ZSCAN32: variants seen among roughly 807,000 people sequenced by gnomAD.
ZSCAN32 encodes the protein zinc finger and SCAN domain containing 32.
ZSCAN32 carries 52 observed loss-of-function variants against 47.4 expected under a neutral mutation model. The observed-to-expected ratio is 1.10, with a 90% CI of 0.88 to 1.38. ZSCAN32 has a LOEUF of 1.38. Ranked by LOEUF, ZSCAN32 falls within the 40% of genes most tolerant of loss-of-function variation. The pLI, the probability that ZSCAN32 is intolerant of heterozygous loss-of-function variation, is 0.00. For missense variants in ZSCAN32, 959 were observed against 846.0 expected (o/e 1.13, Z -1.66); for synonymous variants, 346 against 305.7 (o/e 1.13, Z -1.38).
intron 5 of ZSCAN32, among the ~76,000 whole-genome samples, chr16:3,386,196 A>G (rs2031967063): frequency 6.6e-6 from 1 of 152,266 alleles, no homozygotes; most frequent in African/African-American, 2.4e-5. Flanking sequence ...AAAAATGCTC[A>G]TCATCACTGG....
At position 3,384,805 on chromosome 16, in the gene ZSCAN32, C is replaced by T. The variant is rs371182988; in HGVS notation, c.888G>A (p.Glu296=). ...GTTCTGGGGTCCGCAGAAAACCCTG[C>T]TCCCAGAGTCCTTCCGCCATGGCCC... is the stretch of plus-strand genomic sequence containing the variant. ...IYRAMAEGLW[E]QGFLRTPEQC... Residue 296 remains glutamate (E), a synonymous_variant, in exon 6 of 7, where the codon GAG becomes GAA. Transcript: ENST00000396852. 9 of 1,614,074 alleles carry T rather than the reference C, an allele frequency of 5.6e-6. No individual in the cohort carries two copies. The highest frequency in any genetic ancestry group is 7.6e-6 in the Non-Finnish European group (9 of 1,180,044).
At chr16:3,387,494 C>A (rs1489331014) in intron 5 of ZSCAN32, among the ~76,000 whole-genome samples, 1 of 152,238 alleles carries the variant, frequency 6.6e-6, no homozygotes, top group East Asian at 1.9e-4. Context: ...CTAAATAACC[C>A]TCACCACACA....
chr16:3,383,795 G>C, intron 6 of ZSCAN32, 84 bp from the exon 7 acceptor site: 1 of 1,332,242 alleles, frequency 7.5e-7, no homozygotes, highest in East Asian at 2.4e-5. Context: ...ATACTACGTA[G>C]AAGAAATATC....
At chr16:3,384,209 A>G in intron 6 of ZSCAN32, 1 of 597,000 alleles carries the variant, frequency 1.7e-6, no homozygotes. Context: ...GCAGTCTGAC[A>G]ATGCATAGTG....
rs1313775981 is a variant in ZSCAN32 at position 3,383,662 on chromosome 16, A to G, written c.1284T>C (p.Asp428=). ...EIKKENLKWD[D]SEEVEINKAL... is the part of the protein sequence containing the mutation. ...CCTTGTTTATTTCTACTTCCTCTGA[A>G]TCATCCCATTTTAGATTTTCTTTTT... The change falls in exon 7 of 7, where the codon GAT becomes GAC. Residue 428 remains aspartate (D), a synonymous_variant. Transcript: ENST00000396852. 2 of 1,605,544 alleles carry G rather than the reference A, an allele frequency of 1.2e-6. No homozygotes were observed. The highest frequency in any genetic ancestry group is 1.3e-5 in the African/African-American group (1 of 74,536).
At chr16:3,394,376 G>C (rs1455380761) in intron 2 of ZSCAN32, among the ~76,000 whole-genome samples, 1 of 152,214 alleles carries the variant, frequency 6.6e-6, no homozygotes, top group Admixed American at 6.5e-5. Context: ...TGTCAGAAGA[G>C]AGAATGTCAG....
chr16:3,386,309 G>A (rs1377756126), intron 5 of ZSCAN32, among the ~76,000 whole-genome samples: 9 of 152,294 alleles, frequency 5.9e-5, no homozygotes, highest in South Asian at 4.1e-4. Context: ...TGGAGAGGAT[G>A]TGGAGAAATA....
At position 3,383,069 on chromosome 16, in the gene ZSCAN32, A is replaced by T. The variant is rs1220372139; in HGVS notation, c.1877T>A (p.Ile626Asn). The T allele has an allele frequency of 1.5e-5, 24 of 1,614,014 alleles. No individual in the cohort carries two copies. The highest frequency in any genetic ancestry group is 1.9e-5 in the Non-Finnish European group (23 of 1,180,020). The stretch of plus-strand genomic sequence containing the variant: ...CTTGTATGGGCTCTCCCCAGTGTGG[A>T]TGCGCCGGTGAGCACTGAACTGGGA... ...NSSQFSAHRR[I>N]HTGESPYKCA... Residue 626 changes from isoleucine to asparagine, a missense_variant, in exon 7 of 7, where the codon ATC becomes AAC. Physicochemically the swap from Ile to Asn is moderately radical, Grantham distance 149. Coordinates refer to ENST00000396852, the MANE Select transcript of ZSCAN32 (RefSeq NM_001284527.2).
At chr16:3,393,200 ATTTATAT>A in intron 3 of ZSCAN32, among the ~76,000 whole-genome samples, 1 of 22,904 alleles carries the variant, frequency 4.4e-5, no homozygotes, top group Admixed American at 5.3e-4. Flanking sequence ...TTATATATAT[ATTTATAT>A]TTATATATAT....
chr16:3,385,593 GAGAAAT>G (rs1311318778), intron 5 of ZSCAN32, among the ~76,000 whole-genome samples: 1 of 152,144 alleles, frequency 6.6e-6, no homozygotes, highest in Non-Finnish European at 1.5e-5. Flanking sequence ...TACAAAAACA[GAGAAAT>G]AGACCAATGG....
chr16:3,385,974 C>T (rs1385925904), intron 5 of ZSCAN32, among the ~76,000 whole-genome samples: 2 of 152,126 alleles, frequency 1.3e-5, no homozygotes, highest in Non-Finnish European at 2.9e-5. Context: ...AGCTTCTGCA[C>T]AGCAAAAGAA....
chr16:3,388,438 T>C (rs1173656983), intron 5 of ZSCAN32, among the ~76,000 whole-genome samples: 2 of 152,260 alleles, frequency 1.3e-5, no homozygotes, highest in East Asian at 3.8e-4. Context: ...CCCATCACGC[T>C]GCTCTGCTGC....
At chr16:3,390,179 C>A (rs1431315055) in intron 4 of ZSCAN32, 46 bp from the exon 5 acceptor site, 1 of 1,543,674 alleles carries the variant, frequency 6.5e-7, no homozygotes. Flanking sequence ...TAGCACCACT[C>A]TAGCCTGGGG....
At chr16:3,385,550 A>C (rs1024171714) in intron 5 of ZSCAN32, among the ~76,000 whole-genome samples, 2 of 152,178 alleles carry the variant, frequency 1.3e-5, no homozygotes, top group Admixed American at 1.3e-4. Flanking sequence ...ACTATACTAC[A>C]AGGCTACAGT....
chr16:3,400,057 C>G (rs930402747), intron 1 of ZSCAN32, among the ~76,000 whole-genome samples: 4 of 152,172 alleles, frequency 2.6e-5, no homozygotes, highest in Admixed American at 6.5e-5. Flanking sequence ...TGAATATACT[C>G]AGGACTACTG....
chr16:3,386,755 C>T (rs2150876764), intron 5 of ZSCAN32, among the ~76,000 whole-genome samples: 1 of 152,074 alleles, frequency 6.6e-6, no homozygotes, highest in Admixed American at 6.6e-5. Context: ...AACACATGGA[C>T]ACAGGTAGGG....
rs562482481 is a variant in ZSCAN32 at position 3,397,355 on chromosome 16, G to A, written c.203C>T (p.Pro68Leu). Reference sequence around the variant, plus strand: ...GATTTCCTCTTTTGAGTGGGTCTTCGGCCTCAGCCACTGACAACAGAGTTC... The same window carrying A: ...GATTTCCTCTTTTGAGTGGGTCTTCAGCCTCAGCCACTGACAACAGAGTTC... ...LWELCCQWLR[P>L]KTHSKEEILE... Residue 68 changes from proline to leucine, a missense_variant, in exon 2 of 7, where the codon CCG becomes CTG. Pro to Leu is a moderately conservative substitution (Grantham distance 98). Transcript: ENST00000396852. 4.2e-5 allele frequency: 66 copies of A among 1,558,380 alleles called. No homozygotes were observed. Among genetic ancestry groups the A allele is most frequent in the Non-Finnish European group, 5.5e-5 (63 of 1,151,520 alleles).
In ZSCAN32 at chr16:3,384,642, C is replaced by T. The variant is rs746759030; in HGVS notation, c.1051G>A (p.Asp351Asn). The T allele has an allele frequency of 1.3e-5, 21 of 1,614,074 alleles. No homozygotes were observed. Among genetic ancestry groups the T allele is most frequent in the African/African-American group, 2.7e-5 (2 of 74,920 alleles). ...SWASAPPMASDAVPGQEGSDI... is the reference protein window; with the variant it reads ...SWASAPPMASNAVPGQEGSDI... Reference sequence around the variant, plus strand: ...CTTCCTTCTTGGCCAGGAACAGCATCGCTTGCCATAGGAGGTGCAGAGGCC... The same window carrying T: ...CTTCCTTCTTGGCCAGGAACAGCATTGCTTGCCATAGGAGGTGCAGAGGCC... The change falls in exon 6 of 7, where the codon GAT becomes AAT. Residue 351 changes from aspartate to asparagine, a missense_variant. By Grantham distance (23) the Asp-to-Asn change is conservative. Transcript: ENST00000396852.
At chr16:3,400,770 G>C (rs972556676) in intron 1 of ZSCAN32, among the ~76,000 whole-genome samples, 175 bp downstream of exon 1, 1 of 152,032 alleles carries the variant, frequency 6.6e-6, no homozygotes, top group African/African-American at 2.4e-5. Flanking sequence ...GCGGGGCACG[G>C]TGATCGCGGC....
Sources: allele counts gnomAD v4.1 joint callset (sites outside exome capture counted in the v4.1 genomes callset), GRCh38; gene constraint gnomAD v4.1.1; transcripts MANE v1.5; gene names NCBI Gene and HGNC (gene_info 2026-07-23, HGNC 2026-07-21).